The following FRYL variants were observed in gnomAD, a reference collection of about 807,000 sequenced individuals.
FRYL encodes protein furry homolog-like.
In FRYL, 150 loss-of-function variants were observed where a neutral mutation model predicts 351.2. That is an observed-to-expected ratio of 0.43 (90% CI 0.37 to 0.49). The LOEUF is 0.49. FRYL is among the 20% of genes least tolerant of loss of function. The probability of loss-of-function intolerance (pLI) is 0.00; values close to 1 mark genes in which losing one functional copy is unlikely to be tolerated. For synonymous variants in FRYL, 1,153 were observed against 1,257.1 expected, an observed-to-expected ratio of 0.92 and a Z score of 1.75; for missense variants, 3,036 against 3,619.3, an observed-to-expected ratio of 0.84 and a Z score of 4.13.
chr4:48,702,875 C>T (rs58763365), intron 2 of FRYL, among the ~76,000 whole-genome samples: 1 of 149,630 alleles, frequency 6.7e-6, no homozygotes, highest in African/African-American at 2.5e-5. Flanking sequence ...AGAATTGACA[C>T]AGCAAAAGAA....
intron 13 of FRYL, 41 bp downstream of exon 13, chr4:48,601,979 C>G: frequency 8.8e-7 from 1 of 1,136,226 alleles, no homozygotes; most frequent in Non-Finnish European, 1.3e-6. Flanking sequence ...ACAAAATATA[C>G]CAGTCAGTAT....
chr4:48,540,026 T>A lies in FRYL; in HGVS notation c.6338A>T (p.Gln2113Leu). ...AAACTGAGTTGGGCTGTCAAAATGC[T>A]GGATTAAGTGAGGCAATAAGCAAAG... ...NILCLLPHLI[Q>L]HFDSPTQFCK... Residue 2113 changes from glutamine to leucine, a missense_variant, in exon 47 of 64, where the codon CAG (glutamine) becomes CTG (leucine). This residue lies in a region of FRYL where 1,987 missense variants were observed against 2,311.7 expected (regional missense o/e 0.86). Coordinates refer to ENST00000358350, the MANE Select transcript of FRYL (RefSeq NM_015030.2). 6.2e-7 allele frequency: 1 copy of A among 1,613,334 alleles called. No homozygotes were observed. Among genetic ancestry groups the A allele is most frequent in the African/African-American group, 1.3e-5 (1 of 75,014 alleles).
rs529357861 is a variant in FRYL, at chr4:48,757,579, T to G, written c.-384+22499A>C. ...AGGAGAACTACAGACCACTGCTCAA[T>G]GAAATAAAAGAGGATACAAACAAAT... On this transcript the variant is annotated intron_variant, in intron 1 of 63. Coordinates refer to ENST00000358350, the MANE Select transcript of FRYL (RefSeq NM_015030.2). Among the ~76,000 whole-genome samples the G allele has an allele frequency of 2.6e-5, 4 of 152,080 alleles. No homozygotes were observed. In the East Asian group the frequency reaches 5.8e-4, roughly 22 times the overall value.
rs1732200449 is a variant in FRYL at position 48,549,505 on chromosome 4, A to G, written c.4752T>C (p.Pro1584=). Residue 1584 remains proline (P), a synonymous_variant, in exon 39 of 64, where the codon CCT becomes CCC. Coordinates refer to ENST00000358350, the MANE Select transcript of FRYL (RefSeq NM_015030.2). This position sits in a 1 kb window ranked among gnomAD's most constrained non-coding sequence, Gnocchi z 4.2. ...GAGGTAATCCAGGTGATGACGTTTC[A>G]GGCACGTAATCCACCAGTGGTGACC... ...GCWSPLVDYV[P]ETSSPGLPLH... is the part of the protein sequence containing the mutation. 6.2e-7 allele frequency: 1 copy of G among 1,612,602 alleles called. No homozygotes were observed. Among genetic ancestry groups the G allele is most frequent in the African/African-American group, 1.3e-5 (1 of 74,898 alleles).
chr4:48,507,305 A>G (rs1721322016), intron 59 of FRYL, among the ~76,000 whole-genome samples: 1 of 152,176 alleles, frequency 6.6e-6, no homozygotes. Context: ...GCCAGAGCAT[A>G]CAAGACATGG....
intron 27 of FRYL, among the ~76,000 whole-genome samples, chr4:48,569,598 A>G (rs776013443): frequency 6.6e-6 from 1 of 152,068 alleles, no homozygotes; most frequent in East Asian, 1.9e-4. Flanking sequence ...GCATCGGCCA[A>G]TATTTCTTTT....
intron 12 of FRYL, 71 bp from the exon 13 acceptor site, chr4:48,602,192 TTCA>T: frequency 1.3e-6 from 1 of 759,854 alleles, no homozygotes. Context: ...AATTTTATAT[TTCA>T]TTTATTCTCA....
At chr4:48,578,752 TTAA>T (rs1282269245) in intron 23 of FRYL, among the ~76,000 whole-genome samples, 1 of 152,176 alleles carries the variant, frequency 6.6e-6, no homozygotes, top group African/African-American at 2.4e-5. Context: ...ATTAAGTAAA[TTAA>T]TAATTAAAAT....
chr4:48,514,509 G>T (rs1360541297), intron 56 of FRYL, among the ~76,000 whole-genome samples: 1 of 152,064 alleles, frequency 6.6e-6, no homozygotes, highest in African/African-American at 2.4e-5. Context: ...ATACTTTCTG[G>T]TAATAAATTT....
chr4:48,558,572 T>C (rs1418326488), intron 33 of FRYL, among the ~76,000 whole-genome samples: 1 of 152,242 alleles, frequency 6.6e-6, no homozygotes, highest in Non-Finnish European at 1.5e-5. Flanking sequence ...TTGAAAATGA[T>C]TAAGATGGCA....
intron 37 of FRYL, 33 bp downstream of exon 37, chr4:48,551,461 T>A (rs780977348): frequency 1.6e-6 from 2 of 1,219,884 alleles, no homozygotes. Flanking sequence ...TCTGTCAAAC[T>A]GAAAGGCTAA....
At chr4:48,576,304 C>CA in intron 23 of FRYL, 82 bp from the exon 24 acceptor site, 6 of 769,444 alleles carry the variant, frequency 7.8e-6, no homozygotes, top group African/African-American at 2.0e-5. Flanking sequence ...TGCTAAATTT[C>CA]TTTTTTTTTT....
In FRYL at chr4:48,507,535, C is replaced by CAGTTAGTTAGTT. The variant is rs56023671; in HGVS notation, c.8395-1932_8395-1921dup. ...ATCGGCCAAAACTCACTCAAACAAA[C>CAGTTAGTTAGTT]AGTTAGTTAGTTAGAGAAAAGTACC... On this transcript the variant is annotated intron_variant, in intron 59 of 63. Coordinates refer to ENST00000358350, the MANE Select transcript of FRYL (RefSeq NM_015030.2). Among the ~76,000 whole-genome samples, 395 of 151,784 alleles carry CAGTTAGTTAGTT rather than the reference C, an allele frequency of 2.6e-3. 3 individuals are homozygous for CAGTTAGTTAGTT. The Middle Eastern group carries it at 0.031, about 12-fold the overall frequency.
chr4:48,550,104 T>C (rs1280035621), intron 38 of FRYL, among the ~76,000 whole-genome samples: 3 of 152,244 alleles, frequency 2.0e-5, no homozygotes, highest in Non-Finnish European at 2.9e-5. Flanking sequence ...TTAACCTCTC[T>C]GGACCTCAGT....
chr4:48,564,819 T>C, intron 30 of FRYL, 114 bp downstream of exon 30: 1 of 555,840 alleles, frequency 1.8e-6, no homozygotes, highest in Non-Finnish European at 3.2e-6. Flanking sequence ...TTTTTGCATA[T>C]GATCCTAACC....
intron 33 of FRYL, among the ~76,000 whole-genome samples, chr4:48,559,374 G>A (rs1734875272): frequency 6.6e-6 from 1 of 150,574 alleles, no homozygotes; most frequent in Non-Finnish European, 1.5e-5. Flanking sequence ...GTGGGGGCCC[G>A]AGACGGTACC....
chr4:48,670,141 T>G (rs959156897), intron 3 of FRYL, among the ~76,000 whole-genome samples: 1 of 152,210 alleles, frequency 6.6e-6, no homozygotes. Context: ...AATTAAATTA[T>G]TTTTTACTAT....
At position 48,567,101 on chromosome 4, in the gene FRYL, A is replaced by C. The variant is rs1736958492; in HGVS notation, c.3169+147T>G. ...AGTGACAATAATTCAAAGGGAAAAC[A>C]AACTCCAGCCATCCAGGTTATGCTG... is the stretch of plus-strand genomic sequence containing the variant. On this transcript the variant is annotated intron_variant, in intron 28 of 63. Transcript: ENST00000358350. The surrounding 1 kb of genome is among the most constrained non-coding windows in gnomAD (Gnocchi z 4.2). 3.3e-6 allele frequency: 2 copies of C among 612,334 alleles called. No individual in the cohort carries two copies. The highest frequency in any genetic ancestry group is 5.2e-6 in the Non-Finnish European group (2 of 384,380). 37.9% of individuals were successfully genotyped at this position (612,334 alleles called of 1,614,324 possible). A position where few individuals can be genotyped will look rare whatever the true frequency, so the allele number is the denominator to read the frequency against.
At chr4:48,573,340 A>G (rs546886675) in intron 25 of FRYL, 97 bp from the exon 26 acceptor site, 1 of 771,054 alleles carries the variant, frequency 1.3e-6, no homozygotes, top group Admixed American at 2.2e-5. Flanking sequence ...ACAAGTGTTA[A>G]TTCCAATCCT....
Sources: gnomAD v4.1 joint callset for allele counts (sites outside exome capture counted in the v4.1 genomes callset) on GRCh38, gnomAD v4.1.1 for gene constraint, gnomAD v4.1.1 regional missense constraint, Gnocchi (gnomAD v3.1) non-coding constraint, MANE v1.5 for transcripts, NCBI Gene and HGNC (gene_info 2026-07-23, HGNC 2026-07-21) for gene names.